SYNE3: variants seen among roughly 807,000 people sequenced by gnomAD.
The protein encoded by SYNE3 is spectrin repeat containing nuclear envelope family member 3.
Under a neutral mutation model 111.2 loss-of-function variants are expected in SYNE3, and 100 were observed. That is an observed-to-expected ratio of 0.90 (90% confidence interval 0.77 to 1.06). The LOEUF (loss-of-function observed/expected upper bound fraction) is 1.06. SYNE3 is among the 50% of genes least tolerant of loss of function. The pLI is 0.00. For missense variants in SYNE3, 1,160 were observed against 1,240.3 expected (o/e 0.94, Z 0.97); for synonymous variants, 547 against 533.9 (o/e 1.02, Z -0.34).
intron 17 of SYNE3, among the ~76,000 whole-genome samples, chr14:95,423,062 G>A (rs1391228072): frequency 2.6e-5 from 4 of 152,238 alleles, no homozygotes; most frequent in Non-Finnish European, 2.9e-5. Context: ...TTTCCCACAC[G>A]TGGACACGAT....
chr14:95,466,605 C>A (rs894299422), intron 3 of SYNE3, among the ~76,000 whole-genome samples: 7 of 152,176 alleles, frequency 4.6e-5, no homozygotes, highest in African/African-American at 7.2e-5. Flanking sequence ...TGCACAGACA[C>A]CCCCAGTCAT....
At chr14:95,421,077 G>A (rs1005656097) in intron 17 of SYNE3, among the ~76,000 whole-genome samples, 3 of 152,138 alleles carry the variant, frequency 2.0e-5, no homozygotes, top group Non-Finnish European at 2.9e-5. Flanking sequence ...TGTAAGATGT[G>A]CCTTTCTTCT....
chr14:95,504,025 A>G (rs1890435660), intron 1 of SYNE3, among the ~76,000 whole-genome samples: 1 of 152,202 alleles, frequency 6.6e-6, no homozygotes, highest in Admixed American at 6.5e-5. Context: ...GCTGCAAACC[A>G]TGGCCCACTG....
At chr14:95,466,293 G>C in intron 3 of SYNE3, 53 bp from the exon 4 acceptor site, 3 of 1,516,710 alleles carry the variant, frequency 2.0e-6, no homozygotes, top group Non-Finnish European at 2.7e-6. Flanking sequence ...CTGCCTCCTG[G>C]GTCGGGGGTC....
chr14:95,515,840 C>T (rs1019763220), intron 1 of SYNE3, among the ~76,000 whole-genome samples: 17 of 152,230 alleles, frequency 1.1e-4, no homozygotes, highest in African/African-American at 3.9e-4. Context: ...AGGCCCCTGG[C>T]TTCCAGTTTT....
intron 1 of SYNE3, among the ~76,000 whole-genome samples, chr14:95,511,434 C>T (rs1329615680): frequency 6.6e-6 from 1 of 152,160 alleles, no homozygotes; most frequent in Non-Finnish European, 1.5e-5. Context: ...GGCGCGGTGA[C>T]TCACGCCTGT....
At chr14:95,431,489 A>T (rs1228017915) in intron 17 of SYNE3, among the ~76,000 whole-genome samples, 2 of 152,220 alleles carry the variant, frequency 1.3e-5, no homozygotes, top group Non-Finnish European at 2.9e-5. Flanking sequence ...ATCTCGAGTA[A>T]TAATCATACC....
At chr14:95,419,368 G>T (rs970394663) in intron 17 of SYNE3, among the ~76,000 whole-genome samples, 8 of 152,134 alleles carry the variant, frequency 5.3e-5, no homozygotes, top group African/African-American at 1.9e-4. Flanking sequence ...CTGGGCTGTG[G>T]TGAGGGCTCA....
intron 17 of SYNE3, among the ~76,000 whole-genome samples, chr14:95,418,248 T>C (rs544195830): frequency 5.9e-5 from 9 of 152,312 alleles, no homozygotes; most frequent in East Asian, 5.8e-4. Context: ...AAAGGAAGAA[T>C]AGAAAACACA....
chr14:95,450,374 C>T (rs1200819453), intron 7 of SYNE3: 1 of 476,024 alleles, frequency 2.1e-6, no homozygotes, highest in Non-Finnish European at 3.7e-6. Flanking sequence ...CCTGTAGTCT[C>T]ATATAATTTA....
intron 11 of SYNE3, among the ~76,000 whole-genome samples, chr14:95,441,416 A>G (rs539750391): frequency 6.6e-6 from 1 of 152,338 alleles, no homozygotes; most frequent in South Asian, 2.1e-4. Context: ...AACATCAGAT[A>G]CCTGCCCCCC....
At chr14:95,454,981 C>T (rs1209021403) in intron 6 of SYNE3, among the ~76,000 whole-genome samples, 3 of 152,038 alleles carry the variant, frequency 2.0e-5, no homozygotes, top group African/African-American at 7.3e-5. Flanking sequence ...CCCATGATCT[C>T]CACATTAAGA....
At chr14:95,474,100 C>G (rs1164989971) in intron 2 of SYNE3, among the ~76,000 whole-genome samples, 1 of 150,246 alleles carries the variant, frequency 6.7e-6, no homozygotes, top group Non-Finnish European at 1.5e-5. Context: ...GTGACAGTGG[C>G]TGGAACTAAG....
At chr14:95,420,517 G>A (rs113106501) in intron 17 of SYNE3, among the ~76,000 whole-genome samples, 176 of 152,240 alleles carry the variant, frequency 1.2e-3, no homozygotes, top group African/African-American at 4.0e-3. Context: ...TGATCCTCTG[G>A]GGAAAATGTC....
chr14:95,441,028 A>G (rs1377128951), intron 11 of SYNE3, among the ~76,000 whole-genome samples: 1 of 152,186 alleles, frequency 6.6e-6, no homozygotes, highest in Non-Finnish European at 1.5e-5. Flanking sequence ...GCCATTCTCT[A>G]TGCCTCTGGC....
At chr14:95,502,638 T>C (rs1381105105) in intron 1 of SYNE3, among the ~76,000 whole-genome samples, 1 of 152,070 alleles carries the variant, frequency 6.6e-6, no homozygotes, top group African/African-American at 2.4e-5. Context: ...AAGCAACTAA[T>C]TACGACACCA....
At chr14:95,435,080 T>C (rs1343355746) in intron 15 of SYNE3, among the ~76,000 whole-genome samples, 1 of 152,128 alleles carries the variant, frequency 6.6e-6, no homozygotes, top group Non-Finnish European at 1.5e-5. Flanking sequence ...AACAGAAACA[T>C]TCATAAAATG....
At chr14:95,433,709 G>A (rs117376328) in intron 15 of SYNE3, among the ~76,000 whole-genome samples, 1,743 of 152,322 alleles carry the variant, frequency 0.011, 12 homozygotes, top group Non-Finnish European at 0.019. Context: ...ACTAGAGTTC[G>A]CATCATTCTA....
intron 10 of SYNE3, 61 bp from the exon 11 acceptor site, chr14:95,443,350 C>T (rs190759974): frequency 7.6e-5 from 122 of 1,602,344 alleles, no homozygotes; most frequent in South Asian, 6.3e-4. Context: ...TTGGGGTGGC[C>T]GATCAGGGCA....
Sources: gnomAD v4.1 joint callset for allele counts (sites outside exome capture counted in the v4.1 genomes callset) on GRCh38, gnomAD v4.1.1 for gene constraint, MANE v1.5 for transcripts, NCBI Gene and HGNC (gene_info 2026-07-23, HGNC 2026-07-21) for gene names.